Variants in ASAP1 observed in about 807,000 individuals in gnomAD.
The protein encoded by ASAP1 is ArfGAP with SH3 domain, ankyrin repeat and PH domain 1, also known as arf-GAP with SH3 domain, ANK repeat and PH domain-containing protein 1.
In ASAP1, 43 loss-of-function variants were observed where a neutral mutation model predicts 145.2. The ratio of observed to expected loss-of-function variants is 0.30; its 90% CI spans 0.23 to 0.38. The LOEUF (loss-of-function observed/expected upper bound fraction) is 0.38. ASAP1 is among the 10% of genes least tolerant of loss of function. ASAP1 has a pLI of 1.00. For synonymous variants in ASAP1, 546 were observed against 515.5 expected (o/e 1.06, Z -0.80); for missense variants, 1,018 against 1,355.3 (o/e 0.75, Z 3.91).
intron 1 of ASAP1, among the ~76,000 whole-genome samples, chr8:130,421,640 G>A (rs1286355840): frequency 6.6e-6 from 1 of 152,220 alleles, no homozygotes; most frequent in Admixed American, 6.5e-5. Flanking sequence ...GCCACAGAAT[G>A]TAGCAGAGGC....
intron 3 of ASAP1, among the ~76,000 whole-genome samples, chr8:130,289,557 G>C (rs947886362): frequency 2.6e-5 from 4 of 152,194 alleles, no homozygotes; most frequent in Admixed American, 1.3e-4. Context: ...AAAAGACTGG[G>C]GAGGCGAAGA....
rs572289952 is a variant in ASAP1, at chr8:130,439,856, G to A, written c.-28+3604C>T. 3.0e-4 allele frequency among the ~76,000 whole-genome samples: 46 copies of A among 152,306 alleles called. 1 individual carries two copies. The highest frequency in any genetic ancestry group is 6.5e-4 in the Admixed American group (10 of 15,302). On this transcript the variant is annotated intron_variant, in intron 1 of 29. Coordinates refer to ENST00000518721, the MANE Select transcript of ASAP1 (RefSeq NM_018482.4). ...ATGTCTCTAGCCTGTAAGTCTCCTC[G>A]GAGGTCCAGGCCTCCTGCCTGCCTG...
At chr8:130,073,684 C>T (rs141551079) in intron 27 of ASAP1, among the ~76,000 whole-genome samples, 2 of 152,172 alleles carry the variant, frequency 1.3e-5, no homozygotes, top group South Asian at 2.1e-4. Context: ...CCAAGGAAGA[C>T]AGGGCTGAAG....
At chr8:130,356,052 T>C (rs2138111298) in intron 3 of ASAP1, among the ~76,000 whole-genome samples, 1 of 152,002 alleles carries the variant, frequency 6.6e-6, no homozygotes, top group East Asian at 1.9e-4. Context: ...TCTATTTTTC[T>C]ACCTAATCTT....
At chr8:130,056,623 T>A (rs2097404812) in intron 29 of ASAP1, among the ~76,000 whole-genome samples, 1 of 152,226 alleles carries the variant, frequency 6.6e-6, no homozygotes, top group Non-Finnish European at 1.5e-5. Flanking sequence ...GAGGTCACTG[T>A]CTAGGCCTGA....
intron 4 of ASAP1, among the ~76,000 whole-genome samples, chr8:130,224,431 TATAAAG>T (rs1339969452): frequency 6.6e-6 from 1 of 152,152 alleles, no homozygotes; most frequent in Non-Finnish European, 1.5e-5. Context: ...TACAGAGAAA[TATAAAG>T]ATAAAATTAT....
intron 25 of ASAP1, among the ~76,000 whole-genome samples, chr8:130,080,894 A>C (rs2097478298): frequency 6.6e-6 from 1 of 152,174 alleles, no homozygotes; most frequent in African/African-American, 2.4e-5. Context: ...CGGCCTCCCA[A>C]AGTGCTGGGA....
chr8:130,380,481 C>T (rs1019758593), intron 2 of ASAP1, among the ~76,000 whole-genome samples: 14 of 152,220 alleles, frequency 9.2e-5, no homozygotes, highest in South Asian at 6.2e-4. Flanking sequence ...AACCAGGGTG[C>T]GCCAAGGGGA....
rs75202091 is a variant in ASAP1, at chr8:130,300,192, C to T, written c.186+57825G>A. Among the ~76,000 whole-genome samples the T allele has an allele frequency of 1.7e-4, 16 of 93,212 alleles. No homozygotes were observed. In the South Asian group the frequency reaches 3.4e-3, roughly 20 times the overall value. 61.2% of individuals were successfully genotyped at this position (93,212 alleles called of 152,430 possible). A position where few individuals can be genotyped will look rare whatever the true frequency, so the allele number is the denominator to read the frequency against. Reference sequence around the variant, plus strand: ...GAGAGAGAGAGAGAGAGAGAGCGAGCGAGCGAGCAGTCAATACAAAAGGCT... The same window carrying T: ...GAGAGAGAGAGAGAGAGAGAGCGAGTGAGCGAGCAGTCAATACAAAAGGCT... On this transcript the variant is annotated intron_variant, in intron 3 of 29. Transcript: ENST00000518721.
chr8:130,334,083 G>A (rs1441214423), intron 3 of ASAP1, among the ~76,000 whole-genome samples: 1 of 152,164 alleles, frequency 6.6e-6, no homozygotes, highest in Non-Finnish European at 1.5e-5. Context: ...TGGTACAGGA[G>A]GAGGCAAGGA....
intron 24 of ASAP1, among the ~76,000 whole-genome samples, chr8:130,105,126 G>C (rs2097534840): frequency 6.6e-6 from 1 of 151,996 alleles, no homozygotes; most frequent in Non-Finnish European, 1.5e-5. Flanking sequence ...TTGGACCTTT[G>C]TATCTGGGAG....
intron 1 of ASAP1, among the ~76,000 whole-genome samples, chr8:130,409,919 G>A (rs118017556): frequency 5.3e-5 from 8 of 152,326 alleles, no homozygotes; most frequent in East Asian, 1.9e-4. Flanking sequence ...GTAACACAAG[G>A]TCATTGCCCA....
intron 2 of ASAP1, among the ~76,000 whole-genome samples, chr8:130,387,946 A>G (rs1207408761): frequency 6.6e-6 from 1 of 152,232 alleles, no homozygotes; most frequent in African/African-American, 2.4e-5. Context: ...GGTGGCAGAC[A>G]TACACAAGAG....
chr8:130,124,583 T>A (rs188354406), intron 17 of ASAP1, among the ~76,000 whole-genome samples: 22 of 152,350 alleles, frequency 1.4e-4, no homozygotes, highest in African/African-American at 5.1e-4. Context: ...TTACTTTATA[T>A]CTGGATACAG....
chr8:130,374,642 G>A (rs758078835), intron 2 of ASAP1, among the ~76,000 whole-genome samples: 7 of 152,232 alleles, frequency 4.6e-5, no homozygotes, highest in Non-Finnish European at 5.9e-5. Context: ...CCAGCTCAGC[G>A]AACTGGCATC....
intron 1 of ASAP1, among the ~76,000 whole-genome samples, chr8:130,440,887 A>T (rs145705229): frequency 2.8e-4 from 42 of 152,306 alleles, no homozygotes; most frequent in African/African-American, 1.0e-3. Flanking sequence ...CTTTGGTCCC[A>T]GGTTTGTTTC....
intron 25 of ASAP1, among the ~76,000 whole-genome samples, chr8:130,081,610 C>T (rs2135332499): frequency 6.6e-6 from 1 of 152,248 alleles, no homozygotes; most frequent in South Asian, 2.1e-4. Flanking sequence ...AACTGATCCT[C>T]ACTACACTGC....
intron 29 of ASAP1, among the ~76,000 whole-genome samples, chr8:130,055,798 G>C (rs939288081): frequency 8.5e-5 from 13 of 152,226 alleles, no homozygotes; most frequent in Admixed American, 5.2e-4. Flanking sequence ...AATCGATAGA[G>C]AGGAAGGTGG....
rs1830139692 is a variant in ASAP1 at position 130,431,713 on chromosome 8, G to A, written c.-28+11747C>T. On this transcript the variant is annotated intron_variant, in intron 1 of 29. Transcript: ENST00000518721. ...TGCTGGCTCATAATTATCTGGACAT[G>A]TCTGGCCCCCATTCATATGAGAGGT... 2.6e-5 allele frequency among the ~76,000 whole-genome samples: 4 copies of A among 152,106 alleles called. 1 individual carries two copies. In the South Asian group the frequency reaches 8.3e-4, roughly 32 times the overall value.
Sources: allele counts gnomAD v4.1 joint callset (sites outside exome capture counted in the v4.1 genomes callset), GRCh38; gene constraint gnomAD v4.1.1; transcripts MANE v1.5; gene names NCBI Gene and HGNC (gene_info 2026-07-23, HGNC 2026-07-21).